Variants in BRD4 observed in about 807,000 individuals in gnomAD.
BRD4 encodes bromodomain-containing protein 4.
A neutral mutation model predicts 142.1 loss-of-function variants in BRD4; 16 were observed. The observed-to-expected ratio is 0.11, with a 90% CI of 0.08 to 0.17. The LOEUF (loss-of-function observed/expected upper bound fraction) is 0.17. Among genes scored for constraint, BRD4 ranks in the 10% least tolerant of loss-of-function variants. The probability of loss-of-function intolerance (pLI) is 1.00; values close to 1 mark genes in which losing one functional copy is unlikely to be tolerated. For synonymous variants in BRD4, 833 were observed against 707.5 expected (o/e 1.18, Z -2.82); for missense variants, 1,424 against 1,810.9 (o/e 0.79, Z 3.88).
intron 1 of BRD4, among the ~76,000 whole-genome samples, chr19:15,299,230 C>A (rs1282257424): frequency 4.6e-5 from 7 of 152,144 alleles, no homozygotes; most frequent in Non-Finnish European, 5.9e-5. Context: ...GAGAAGTGAC[C>A]ATCACATAGA....
chr19:15,303,260 T>C (rs187357353), intron 1 of BRD4, among the ~76,000 whole-genome samples: 564 of 152,316 alleles, frequency 3.7e-3, no homozygotes, highest in Middle Eastern at 0.017. Context: ...AGACAGTTAA[T>C]CTTGAGAAAT....
In BRD4 at chr19:15,272,911, C is replaced by G. The variant is rs201517466; in HGVS notation, c.189G>C (p.Leu63=). ...TGAGCACCACTCTGAGCAGGTATTG[C>G]AGTTGGTTGGTCTGCCTCTTGGGCT... is the stretch of plus-strand genomic sequence containing the variant. ...PNKPKRQTNQ[L]QYLLRVVLKT... is the part of the protein sequence containing the mutation. The change falls in exon 2 of 20, where the codon CTG becomes CTC. Residue 63 remains leucine (L), a synonymous_variant. Transcript: ENST00000679869. The G allele has an allele frequency of 6.2e-7, 1 of 1,614,110 alleles. No homozygotes were observed. Among genetic ancestry groups the G allele is most frequent in the Non-Finnish European group, 8.5e-7 (1 of 1,180,030 alleles).
At chr19:15,255,961 C>A (rs1003578830) in intron 9 of BRD4, 103 bp downstream of exon 9, 95 of 1,476,442 alleles carry the variant, frequency 6.4e-5, no homozygotes, top group Non-Finnish European at 8.5e-5. Flanking sequence ...AGAGGGGCAG[C>A]CTCCGCACCC....
rs1210904636 is a variant in BRD4, at chr19:15,263,608, C to A, written c.1213-60G>T. 8 of 1,600,572 alleles carry A rather than the reference C, an allele frequency of 5.0e-6. No homozygotes were observed. The African/African-American group carries it at 6.7e-5, about 13-fold the overall frequency. On this transcript the variant is annotated intron_variant, in intron 6 of 19. Transcript: ENST00000679869. ...TGCCCATGTGACCATGGAGAAGTGG[C>A]TGGCAGCAGACGAAAGGGATGCCTA...
chr19:15,289,387 A>C (rs2047763971), intron 1 of BRD4, among the ~76,000 whole-genome samples: 1 of 152,168 alleles, frequency 6.6e-6, no homozygotes, highest in Non-Finnish European at 1.5e-5. Context: ...CCCCGTCTCT[A>C]CTAAAAATAT....
At chr19:15,313,130 G>C (rs2047986839) in intron 1 of BRD4, among the ~76,000 whole-genome samples, 1 of 152,054 alleles carries the variant, frequency 6.6e-6, no homozygotes, top group Admixed American at 6.6e-5. Context: ...CCACCACTTT[G>C]GGAGGCTGAG....
intron 11 of BRD4, among the ~76,000 whole-genome samples, chr19:15,250,217 C>T (rs989850864): frequency 2.6e-5 from 4 of 152,236 alleles, no homozygotes; most frequent in Non-Finnish European, 4.4e-5. Context: ...CCTCCAGCTG[C>T]AAATGCTGGC....
chr19:15,243,010 G>T lies in BRD4; in HGVS notation c.3059C>A (p.Pro1020His). 1 of 1,543,310 alleles carries T rather than the reference G, an allele frequency of 6.5e-7. No individual in the cohort carries two copies. Among genetic ancestry groups the T allele is most frequent in the Non-Finnish European group, 8.7e-7 (1 of 1,145,934 alleles). Reference protein sequence around the residue: ...QPPPPQGQQPPHPPPGQQPPP... With the variant: ...QPPPPQGQQPHHPPPGQQPPP... ...TGGCTGCTGGCCTGGGGGCGGATGG[G>T]GGGGCTGCTGGCCCTGGGGTGGCGG... The change falls in exon 14 of 20, where the codon CCC (proline) becomes CAC (histidine). Residue 1020 changes from proline to histidine, a missense_variant. Physicochemically the swap from Pro to His is moderately conservative, Grantham distance 77. Coordinates refer to ENST00000679869, the MANE Select transcript of BRD4 (RefSeq NM_001379291.1).
chr19:15,304,088 A>G (rs2145694120), intron 1 of BRD4, among the ~76,000 whole-genome samples: 1 of 152,318 alleles, frequency 6.6e-6, no homozygotes. Flanking sequence ...CTCCAGAGGT[A>G]AACCCAAAGT....
intron 11 of BRD4, among the ~76,000 whole-genome samples, chr19:15,250,244 C>G (rs2047330374): frequency 6.6e-6 from 1 of 152,212 alleles, no homozygotes; most frequent in Admixed American, 6.5e-5. Flanking sequence ...TGGGGGGAGT[C>G]ACCTGGCTGT....
chr19:15,253,548 A>G, intron 11 of BRD4: 1 of 1,552,092 alleles, frequency 6.4e-7, no homozygotes, highest in Non-Finnish European at 8.6e-7. Flanking sequence ...GTGTGGAGTT[A>G]GGGCAGATTC....
chr19:15,265,773 C>T, intron 4 of BRD4, 130 bp from the exon 5 acceptor site: 1 of 995,392 alleles, frequency 1.0e-6, no homozygotes, highest in Non-Finnish European at 1.6e-6. Flanking sequence ...AGACGAACAT[C>T]CCAGACTCCA....
intron 1 of BRD4, among the ~76,000 whole-genome samples, chr19:15,310,212 CCTTT>C (rs2145708219): frequency 1.3e-5 from 1 of 79,640 alleles, no homozygotes; most frequent in Non-Finnish European, 2.5e-5. Context: ...TTTAAACAGT[CCTTT>C]TTTTTTTTTT....
chr19:15,249,838 A>G (rs1179781342), intron 11 of BRD4, among the ~76,000 whole-genome samples: 5 of 152,118 alleles, frequency 3.3e-5, no homozygotes, highest in Non-Finnish European at 7.4e-5. Context: ...GGGAAAGAGC[A>G]AACAGCCTCA....
At chr19:15,307,866 G>A (rs1297133409) in intron 1 of BRD4, among the ~76,000 whole-genome samples, 1 of 152,134 alleles carries the variant, frequency 6.6e-6, no homozygotes, top group Non-Finnish European at 1.5e-5. Context: ...TGTAATCCCA[G>A]CATTTTGGGA....
chr19:15,261,120 G>A lies in BRD4; in HGVS notation c.1341+2300C>T, dbSNP rs550354954. On this transcript the variant is annotated intron_variant, in intron 7 of 19. Transcript: ENST00000679869. Reference sequence around the variant, plus strand: ...CTCAAGAGAGTGGGAGAGAGGGAGCGGTGGAGGAGTTGAAGGCACCAATCT... The same window carrying A: ...CTCAAGAGAGTGGGAGAGAGGGAGCAGTGGAGGAGTTGAAGGCACCAATCT... 2.0e-4 allele frequency among the ~76,000 whole-genome samples: 30 copies of A among 152,338 alleles called. No individual in the cohort carries two copies. The South Asian group carries it at 5.4e-3, about 27-fold the overall frequency.
At chr19:15,326,474 C>T (rs1309835878) in intron 1 of BRD4, among the ~76,000 whole-genome samples, 1 of 151,504 alleles carries the variant, frequency 6.6e-6, no homozygotes. Flanking sequence ...CAAAACTCTG[C>T]CTCAAAATAA....
chr19:15,273,816 C>CT (rs920676613), intron 1 of BRD4, among the ~76,000 whole-genome samples: 1,392 of 127,376 alleles, frequency 0.011, 11 homozygotes, highest in East Asian at 0.027. Flanking sequence ...CTACCATTTT[C>CT]TTTTTTTTTT....
chr19:15,256,489 C>T (rs1324420801), intron 8 of BRD4, among the ~76,000 whole-genome samples: 6 of 152,212 alleles, frequency 3.9e-5, no homozygotes, highest in Non-Finnish European at 8.8e-5. Context: ...CAAAGACTGC[C>T]AGTGTCTTCC....
Sources: allele counts gnomAD v4.1 joint callset (sites outside exome capture counted in the v4.1 genomes callset), GRCh38; gene constraint gnomAD v4.1.1; transcripts MANE v1.5; gene names NCBI Gene and HGNC (gene_info 2026-07-23, HGNC 2026-07-21).